The following UPF2 variants were observed in gnomAD, a reference collection of about 807,000 sequenced individuals.
UPF2 encodes UPF2 regulator of nonsense mediated mRNA decay, also known as regulator of nonsense transcripts 2.
In UPF2, 17 loss-of-function variants were observed where a neutral mutation model predicts 141.4. That is an observed-to-expected ratio of 0.12 (90% CI 0.08 to 0.18). The LOEUF (loss-of-function observed/expected upper bound fraction) is 0.18. UPF2 is among the 10% of genes least tolerant of loss of function. UPF2 has a pLI of 1.00. For synonymous variants in UPF2, 540 were observed against 498.0 expected (o/e 1.08, Z -1.12); for missense variants, 1,152 against 1,515.9 (o/e 0.76, Z 3.99).
At chr10:11,974,232 C>T (rs145895673) in intron 9 of UPF2, among the ~76,000 whole-genome samples, 2,115 of 152,224 alleles carry the variant, frequency 0.014, 49 homozygotes, top group African/African-American at 0.048. Context: ...GATTTTGTAT[C>T]CTGAGACTTT....
rs1833131285 is a variant in UPF2 at position 11,955,316 on chromosome 10, T to C, written c.2766A>G (p.Val922=). ...PPEHLFRIRL[V]CTILDTCGQY... ...GGCCACATGTGTCCAGAATAGTGCA[T>C]ACGAGTCTAATTCTGAAAAGATGCT... The change falls in exon 14 of 22, where the codon GTA becomes GTG. Residue 922 remains valine (V), a synonymous_variant. Coordinates refer to ENST00000357604, the MANE Select transcript of UPF2 (RefSeq NM_015542.4). 2.5e-6 allele frequency: 4 copies of C among 1,614,172 alleles called. No homozygotes were observed. In the South Asian group the frequency reaches 4.4e-5, roughly 18 times the overall value.
intron 8 of UPF2, among the ~76,000 whole-genome samples, chr10:11,990,450 C>T (rs1833759768): frequency 6.6e-6 from 1 of 152,084 alleles, no homozygotes. Flanking sequence ...GGTTAGGAGG[C>T]CGGGTGGATC....
At chr10:12,008,196 G>T (rs1054052313) in intron 4 of UPF2, among the ~76,000 whole-genome samples, 5 of 151,924 alleles carry the variant, frequency 3.3e-5, no homozygotes, top group African/African-American at 1.2e-4. Context: ...AAAGGACAGG[G>T]GGTGGGGGTA....
At position 12,028,856 on chromosome 10, in the gene UPF2, C is replaced by G. The variant is rs368777692; in HGVS notation, c.1034G>C (p.Ser345Thr). 6 of 1,614,008 alleles carry G rather than the reference C, an allele frequency of 3.7e-6. No individual in the cohort carries two copies. In the African/African-American group the frequency reaches 4.0e-5, roughly 11 times the overall value. ...NLSFPPSEII[S>T]PEKQQPFQNL... ...CTGGAAGGGCTGTTGTTTCTCTGGA[C>G]TAATTATCTCACTAGGAGGAAAACT... is the stretch of plus-strand genomic sequence containing the variant. Residue 345 changes from serine (S) to threonine (T), a missense_variant, in exon 3 of 22, where the codon AGT becomes ACT. By Grantham distance (58) the Ser-to-Thr change is moderately conservative. Around this residue, in one of 4 missense-constraint regions of UPF2, gnomAD observed 739 missense variants for 1,032.2 expected, o/e 0.72. Coordinates refer to ENST00000357604, the MANE Select transcript of UPF2 (RefSeq NM_015542.4).
chr10:12,029,229 A>C lies in UPF2; in HGVS notation c.661T>G (p.Cys221Gly). The C allele has an allele frequency of 6.2e-7, 1 of 1,614,194 alleles. No homozygotes were observed. The highest frequency in any genetic ancestry group is 1.3e-5 in the African/African-American group (1 of 75,068). The change falls in exon 3 of 22, where the codon TGT becomes GGT. Residue 221 changes from cysteine (C) to glycine (G), a missense_variant. By Grantham distance (159) the Cys-to-Gly change is radical. This residue lies in a region of UPF2 where 739 missense variants were observed against 1,032.2 expected (regional missense o/e 0.72). Coordinates refer to ENST00000357604, the MANE Select transcript of UPF2 (RefSeq NM_015542.4). ...EAKLKISDVN[C>G]AVHLCSLFHQ... The stretch of plus-strand genomic sequence containing the variant: ...AAGAGAGAGCAGAGGTGCACAGCAC[A>C]GTTCACATCAGAGATTTTTAGTTTT...
intron 8 of UPF2, among the ~76,000 whole-genome samples, chr10:11,986,259 G>GTTTA (rs2131241033): frequency 6.6e-6 from 1 of 152,214 alleles, no homozygotes; most frequent in South Asian, 2.1e-4. Flanking sequence ...AATGAACGAT[G>GTTTA]AATCACTTTA....
chr10:12,029,984 C>T (rs1475583583), intron 2 of UPF2, among the ~76,000 whole-genome samples: 1 of 146,972 alleles, frequency 6.8e-6, no homozygotes, highest in African/African-American at 2.5e-5. Context: ...AAAAAAAACA[C>T]ATAAAGACAT....
intron 1 of UPF2, among the ~76,000 whole-genome samples, chr10:12,038,062 A>C (rs1295940763): frequency 6.6e-6 from 1 of 152,136 alleles, no homozygotes; most frequent in African/African-American, 2.4e-5. Context: ...CAACAACAAC[A>C]AAAAAGCTAT....
rs563221539 is a variant in UPF2, at chr10:11,953,437, G to T, written c.2851-1188C>A. On this transcript the variant is annotated intron_variant, in intron 14 of 21. Transcript: ENST00000357604. This position sits in a 1 kb window ranked among gnomAD's most constrained non-coding sequence, Gnocchi z 5.0. The stretch of plus-strand genomic sequence containing the variant: ...ACTAAACTGTACACTCCATGTTCTG[G>T]GTGAAACACACAGACCTCATCACCC... Among the ~76,000 whole-genome samples, 2 of 152,226 alleles carry T rather than the reference G, an allele frequency of 1.3e-5. No homozygotes were observed. The highest frequency in any genetic ancestry group is 3.9e-4 in the East Asian group (2 of 5,186).
intron 21 of UPF2, among the ~76,000 whole-genome samples, chr10:11,923,805 C>T (rs1237285386): frequency 6.6e-6 from 1 of 152,118 alleles, no homozygotes; most frequent in Non-Finnish European, 1.5e-5. Context: ...CGGCACTGCA[C>T]TCCAGCCTGG....
At chr10:11,973,301 T>G (rs1249864629) in intron 9 of UPF2, among the ~76,000 whole-genome samples, 1 of 152,068 alleles carries the variant, frequency 6.6e-6, no homozygotes, top group Non-Finnish European at 1.5e-5. Context: ...GTCAGATGGG[T>G]AGATTGTAAA....
rs1818583578 is a variant in UPF2 at position 11,980,292 on chromosome 10, A to G, written c.1845-1127T>C. ...AGCAGATCAGACTCTGAAGATGAGA[A>G]GTAATGAGCAACTGATAAAAGCAGC... On this transcript the variant is annotated intron_variant, in intron 8 of 21. Coordinates refer to ENST00000357604, the MANE Select transcript of UPF2 (RefSeq NM_015542.4). This position sits in a 1 kb window ranked among gnomAD's most constrained non-coding sequence, Gnocchi z 4.2. Among the ~76,000 whole-genome samples the G allele has an allele frequency of 1.3e-5, 2 of 152,250 alleles. No individual in the cohort carries two copies. Among genetic ancestry groups the G allele is most frequent in the Admixed American group, 1.3e-4 (2 of 15,284 alleles).
At chr10:12,032,297 C>CA (rs56170503) in intron 2 of UPF2, among the ~76,000 whole-genome samples, 30,155 of 113,526 alleles carry the variant, frequency 0.27, 3,486 homozygotes, top group East Asian at 0.49. Context: ...AACTCTGTCT[C>CA]AAAAAAAAAA....
intron 13 of UPF2, 81 bp from the exon 14 acceptor site, chr10:11,955,588 G>C: frequency 7.5e-7 from 1 of 1,335,108 alleles, no homozygotes; most frequent in Non-Finnish European, 1.0e-6. Context: ...TCTGTAACTT[G>C]AAAATATCTA....
At chr10:11,964,261 G>A (rs1833284315) in intron 10 of UPF2, 136 bp from the exon 11 acceptor site, 1 of 489,446 alleles carries the variant, frequency 2.0e-6, no homozygotes, top group Admixed American at 3.9e-5. Context: ...GTTCACTGCT[G>A]AGCATCTTTT....
chr10:11,928,699 A>G (rs1317060676), intron 21 of UPF2: 2 of 357,262 alleles, frequency 5.6e-6, no homozygotes, highest in South Asian at 2.1e-5. Context: ...ACAGAGCCAG[A>G]CTCCGCCTCA....
At position 11,953,543 on chromosome 10, in the gene UPF2, T is replaced by G. The variant is rs1833104416; in HGVS notation, c.2851-1294A>C. 6.6e-6 allele frequency among the ~76,000 whole-genome samples: 1 copy of G among 152,196 alleles called. No individual in the cohort carries two copies. Among genetic ancestry groups the G allele is most frequent in the Non-Finnish European group, 1.5e-5 (1 of 68,032 alleles). On this transcript the variant is annotated intron_variant, in intron 14 of 21. Coordinates refer to ENST00000357604, the MANE Select transcript of UPF2 (RefSeq NM_015542.4). The surrounding 1 kb of genome is among the most constrained non-coding windows in gnomAD (Gnocchi z 5.0). ...GTCTGTTAATCAGTTTGGAAAATAT[T>G]TTTGTCTCTTTTGGCTCCTGAATAT... is the stretch of plus-strand genomic sequence containing the variant.
Position 12,040,353 on chromosome 10 carries a change from C to T in UPF2, c.-19+2402G>A, listed in dbSNP as rs928114489. On this transcript the variant is annotated intron_variant, in intron 1 of 21. Coordinates refer to ENST00000357604, the MANE Select transcript of UPF2 (RefSeq NM_015542.4). Reference sequence around the variant, plus strand: ...AGGAGAATCACTTGAACCCGGGAGGCGGAGGTTGCAGTGAGCCAAGATGGC... The same window carrying T: ...AGGAGAATCACTTGAACCCGGGAGGTGGAGGTTGCAGTGAGCCAAGATGGC... 5.9e-5 allele frequency among the ~76,000 whole-genome samples: 9 copies of T among 152,024 alleles called. 1 individual carries two copies. Among genetic ancestry groups the T allele is most frequent in the Admixed American group, 2.6e-4 (4 of 15,256 alleles).
At position 12,016,664 on chromosome 10, in the gene UPF2, A is replaced by T. The variant is rs1016866688; in HGVS notation, c.1146-2480T>A. 6.6e-6 allele frequency among the ~76,000 whole-genome samples: 1 copy of T among 151,800 alleles called. No homozygotes were observed. The highest frequency in any genetic ancestry group is 1.5e-5 in the Non-Finnish European group (1 of 67,972). On this transcript the variant is annotated intron_variant, in intron 3 of 21. Coordinates refer to ENST00000357604, the MANE Select transcript of UPF2 (RefSeq NM_015542.4). The surrounding 1 kb of genome is among the most constrained non-coding windows in gnomAD (Gnocchi z 4.1). ...AGCCAAGATTGCACCACTGTACTCC[A>T]GCCTGGGCGACAGAGCAAGACTGTC...
Sources: allele counts gnomAD v4.1 joint callset (sites outside exome capture counted in the v4.1 genomes callset), GRCh38; gene constraint gnomAD v4.1.1; regional missense constraint gnomAD v4.1.1; non-coding constraint Gnocchi (gnomAD v3.1); transcripts MANE v1.5; gene names NCBI Gene and HGNC (gene_info 2026-07-23, HGNC 2026-07-21).